KCND2: variants seen among roughly 807,000 people sequenced by gnomAD.
KCND2 encodes potassium voltage-gated channel subfamily D member 2, also known as A-type voltage-gated potassium channel KCND2.
A neutral mutation model predicts 54.4 loss-of-function variants in KCND2; 16 were observed. That is an observed-to-expected ratio of 0.29 (90% CI 0.20 to 0.45). The LOEUF is 0.45. Among genes scored for constraint, KCND2 ranks in the 20% least tolerant of loss-of-function variants. The probability of loss-of-function intolerance (pLI) is 1.00; values close to 1 mark genes in which losing one functional copy is unlikely to be tolerated. For missense variants in KCND2, 486 were observed against 824.2 expected, an observed-to-expected ratio of 0.59 and a Z score of 5.02; for synonymous variants, 317 against 310.7, an observed-to-expected ratio of 1.02 and a Z score of -0.21.
chr7:120,686,267 A>G (rs1261856748), intron 1 of KCND2, among the ~76,000 whole-genome samples: 1 of 152,182 alleles, frequency 6.6e-6, no homozygotes, highest in Non-Finnish European at 1.5e-5. Flanking sequence ...TCTTAGATAC[A>G]TATGCCCAGA....
At position 120,274,975 on chromosome 7, in the gene KCND2, T is replaced by C; in HGVS notation, c.343T>C (p.Tyr115His). 6.2e-7 allele frequency: 1 copy of C among 1,614,102 alleles called. No homozygotes were observed. Among genetic ancestry groups the C allele is most frequent in the Non-Finnish European group, 8.5e-7 (1 of 1,180,028 alleles). ...HYPRHECISA[Y>H]DEELAFFGLI... The stretch of plus-strand genomic sequence containing the variant: ...TCCTCGCCACGAGTGCATCTCTGCT[T>C]ACGATGAAGAACTGGCCTTCTTTGG... Residue 115 changes from tyrosine (Y) to histidine (H), a missense_variant, in exon 1 of 6, where the codon TAC becomes CAC. This residue lies in a region of KCND2 where 231 missense variants were observed against 386.0 expected (regional missense o/e 0.60). Coordinates refer to ENST00000331113, the MANE Select transcript of KCND2 (RefSeq NM_012281.3).
At position 120,312,140 on chromosome 7, in the gene KCND2, C is replaced by A. The variant is rs528563949; in HGVS notation, c.1115+36393C>A. 7.2e-5 allele frequency among the ~76,000 whole-genome samples: 11 copies of A among 152,266 alleles called. No individual in the cohort carries two copies. In the South Asian group the frequency reaches 2.3e-3, roughly 32 times the overall value. On this transcript the variant is annotated intron_variant, in intron 1 of 5. Coordinates refer to ENST00000331113, the MANE Select transcript of KCND2 (RefSeq NM_012281.3). ...CAGCCTGGTCTCAAACTCCTGACCT[C>A]AGATGATCTGCCCACTTCGGCCTCC...
At chr7:120,525,706 G>A (rs2116355036) in intron 1 of KCND2, among the ~76,000 whole-genome samples, 1 of 152,268 alleles carries the variant, frequency 6.6e-6, no homozygotes, top group South Asian at 2.1e-4. Context: ...TGAACACAAT[G>A]TGCCTAGCGT....
intron 1 of KCND2, among the ~76,000 whole-genome samples, chr7:120,494,773 C>T (rs1802827485): frequency 6.6e-6 from 1 of 152,076 alleles, no homozygotes; most frequent in African/African-American, 2.4e-5. Flanking sequence ...TGGACTAATG[C>T]ATCTTTATGG....
chr7:120,637,780 A>T (rs1006089101), intron 1 of KCND2, among the ~76,000 whole-genome samples: 6 of 152,142 alleles, frequency 3.9e-5, no homozygotes, highest in African/African-American at 1.4e-4. Flanking sequence ...AAAGTGTCTT[A>T]AATCCATATC....
chr7:120,457,037 C>T (rs977953578), intron 1 of KCND2, among the ~76,000 whole-genome samples: 3 of 152,234 alleles, frequency 2.0e-5, no homozygotes, highest in Admixed American at 2.0e-4. Context: ...GGGGCTTGCA[C>T]CCTCTGGAGC....
At chr7:120,322,569 G>C (rs1799906711) in intron 1 of KCND2, among the ~76,000 whole-genome samples, 1 of 152,148 alleles carries the variant, frequency 6.6e-6, no homozygotes, top group Non-Finnish European at 1.5e-5. Flanking sequence ...CTACAATTTT[G>C]TGTAGCTTGC....
intron 1 of KCND2, among the ~76,000 whole-genome samples, chr7:120,709,052 CCAT>C (rs1792505849): frequency 6.6e-6 from 1 of 152,082 alleles, no homozygotes; most frequent in African/African-American, 2.4e-5. Flanking sequence ...AAATTAACCA[CCAT>C]GTTACCCTGT....
intron 1 of KCND2, among the ~76,000 whole-genome samples, chr7:120,468,360 A>AT: frequency 6.6e-6 from 1 of 152,176 alleles, no homozygotes; most frequent in Admixed American, 6.6e-5. Flanking sequence ...CTGTAATGTG[A>AT]TTTTCTCTAC....
At position 120,274,657 on chromosome 7, in the gene KCND2, C is replaced by T; in HGVS notation, c.25C>T (p.Leu9=). MAAGVAAW[L]PFARAAAIGW... ...CATGGCGGCGGGGGTGGCAGCGTGG[C>T]TGCCTTTTGCAAGGGCAGCGGCTAT... The change falls in exon 1 of 6, where the codon CTG becomes TTG. Residue 9 remains leucine, a synonymous_variant. Transcript: ENST00000331113. 5 of 1,614,040 alleles carry T rather than the reference C, an allele frequency of 3.1e-6. No homozygotes were observed. Among genetic ancestry groups the T allele is most frequent in the Non-Finnish European group, 4.2e-6 (5 of 1,180,022 alleles).
At chr7:120,279,300 T>A (rs1799227054) in intron 1 of KCND2, among the ~76,000 whole-genome samples, 1 of 152,014 alleles carries the variant, frequency 6.6e-6, no homozygotes, top group South Asian at 2.1e-4. Flanking sequence ...TTAAGTAATA[T>A]AAATATTTGC....
At chr7:120,284,181 A>G (rs1004272354) in intron 1 of KCND2, among the ~76,000 whole-genome samples, 3 of 152,156 alleles carry the variant, frequency 2.0e-5, no homozygotes, top group Non-Finnish European at 2.9e-5. Flanking sequence ...TGCTGTTTCC[A>G]TGAAGACATT....
At chr7:120,335,096 G>A (rs1156962527) in intron 1 of KCND2, among the ~76,000 whole-genome samples, 2 of 152,096 alleles carry the variant, frequency 1.3e-5, no homozygotes, top group Non-Finnish European at 2.9e-5. Flanking sequence ...TGGGCGTGAT[G>A]GCTCACACCT....
intron 1 of KCND2, among the ~76,000 whole-genome samples, chr7:120,672,032 T>C (rs796597271): frequency 5.9e-5 from 9 of 152,228 alleles, no homozygotes; most frequent in African/African-American, 1.9e-4. Context: ...CTTTATCTCC[T>C]TCAAAGCCTG....
At chr7:120,738,166 T>G (rs1480909052) in intron 2 of KCND2, among the ~76,000 whole-genome samples, 1 of 152,064 alleles carries the variant, frequency 6.6e-6, no homozygotes, top group African/African-American at 2.4e-5. Flanking sequence ...CAAATTAGTT[T>G]GAGGAAATTT....
At chr7:120,422,340 T>C (rs1464861132) in intron 1 of KCND2, among the ~76,000 whole-genome samples, 1 of 152,118 alleles carries the variant, frequency 6.6e-6, no homozygotes, top group Admixed American at 6.5e-5. Context: ...AAATCCAACT[T>C]TGAGCTGTTT....
intron 1 of KCND2, among the ~76,000 whole-genome samples, chr7:120,673,725 A>T (rs2116576721): frequency 6.6e-6 from 1 of 152,212 alleles, no homozygotes; most frequent in East Asian, 1.9e-4. Flanking sequence ...AGCCTACAAA[A>T]TAAATCCTAA....
chr7:120,713,656 G>A (rs1057298605), intron 1 of KCND2, among the ~76,000 whole-genome samples: 3 of 152,122 alleles, frequency 2.0e-5, no homozygotes, highest in African/African-American at 4.8e-5. Context: ...GTGCCTCCAC[G>A]TAAAACCGCC....
At chr7:120,521,140 A>G (rs889200520) in intron 1 of KCND2, among the ~76,000 whole-genome samples, 2 of 152,140 alleles carry the variant, frequency 1.3e-5, no homozygotes, top group African/African-American at 4.8e-5. Flanking sequence ...ATTGCTGTAC[A>G]TGAAAGCAAA....
Sources: allele counts gnomAD v4.1 joint callset (sites outside exome capture counted in the v4.1 genomes callset), GRCh38; gene constraint gnomAD v4.1.1; regional missense constraint gnomAD v4.1.1; transcripts MANE v1.5; gene names NCBI Gene and HGNC (gene_info 2026-07-23, HGNC 2026-07-21).